The following TCF7L1 variants were observed in gnomAD, a reference collection of about 807,000 sequenced individuals.
TCF7L1 encodes the protein transcription factor 7 like 1, also known as transcription factor 7-like 1.
A neutral mutation model predicts 63.7 loss-of-function variants in TCF7L1; 18 were observed. The observed-to-expected ratio is 0.28, with a 90% CI of 0.20 to 0.42. The LOEUF is 0.42. TCF7L1 is among the 10% of genes least tolerant of loss of function. The probability of loss-of-function intolerance (pLI) is 1.00; values close to 1 mark genes in which losing one functional copy is unlikely to be tolerated. For synonymous variants in TCF7L1, 355 were observed against 340.9 expected (o/e 1.04, Z -0.46); for missense variants, 654 against 779.3 (o/e 0.84, Z 1.91).
intron 3 of TCF7L1, among the ~76,000 whole-genome samples, chr2:85,251,315 T>C (rs988073165): frequency 1.3e-5 from 2 of 152,208 alleles, no homozygotes; most frequent in Non-Finnish European, 2.9e-5. Flanking sequence ...ATCCGGATAT[T>C]ATTATGTCTA....
At chr2:85,267,579 G>A (rs1681007539) in intron 3 of TCF7L1, among the ~76,000 whole-genome samples, 1 of 151,330 alleles carries the variant, frequency 6.6e-6, no homozygotes, top group South Asian at 2.1e-4. Context: ...AGCCCAGGAG[G>A]CGGAGGTTGC....
At chr2:85,285,822 G>A (rs1210319954) in intron 4 of TCF7L1, among the ~76,000 whole-genome samples, 1 of 152,114 alleles carries the variant, frequency 6.6e-6, no homozygotes, top group Non-Finnish European at 1.5e-5. Flanking sequence ...GAGATGGCTG[G>A]GTCCTCTGTC....
Position 85,305,287 on chromosome 2 carries a change from C to A in TCF7L1, c.873C>A (p.His291Gln), listed in dbSNP as rs1682080598. The A allele has an allele frequency of 1.2e-6, 2 of 1,613,992 alleles. No homozygotes were observed. Residue 291 changes from histidine to glutamine, a missense_variant, in exon 8 of 12, where the codon CAC becomes CAA. This residue lies in a region of TCF7L1 where 404 missense variants were observed against 454.8 expected (regional missense o/e 0.89). Transcript: ENST00000282111. The part of the protein sequence containing the change: ...SSLVSSRFSP[H>Q]MVAPAHPGLP... ...TGGTCTCCAGTCGGTTCTCTCCTCA[C>A]ATGGTGGCTCCTGCCCACCCTGGCC...
At chr2:85,192,481 G>A (rs1459062338) in intron 3 of TCF7L1, among the ~76,000 whole-genome samples, 3 of 152,128 alleles carry the variant, frequency 2.0e-5, no homozygotes, top group Non-Finnish European at 4.4e-5. Flanking sequence ...TCCGCCTCCC[G>A]GATTCAAGCG....
At chr2:85,282,802 G>GAT in intron 3 of TCF7L1, among the ~76,000 whole-genome samples, 1 of 116,470 alleles carries the variant, frequency 8.6e-6, no homozygotes, top group South Asian at 2.6e-4. Context: ...GATTGTGTGT[G>GAT]TGTGTGTGTG....
At chr2:85,271,586 G>A (rs1230395879) in intron 3 of TCF7L1, among the ~76,000 whole-genome samples, 2 of 152,218 alleles carry the variant, frequency 1.3e-5, no homozygotes, top group Non-Finnish European at 2.9e-5. Flanking sequence ...GTTTTCAGTT[G>A]TAACACGATA....
chr2:85,294,904 C>T (rs1047759078), intron 4 of TCF7L1, among the ~76,000 whole-genome samples: 2 of 151,948 alleles, frequency 1.3e-5, no homozygotes, highest in African/African-American at 2.4e-5. Flanking sequence ...CATGGTGGCA[C>T]ATACCTGCAG....
At chr2:85,259,402 A>G (rs1680804374) in intron 3 of TCF7L1, among the ~76,000 whole-genome samples, 1 of 152,240 alleles carries the variant, frequency 6.6e-6, no homozygotes, top group Non-Finnish European at 1.5e-5. Context: ...AGGAAATCTT[A>G]GTGCTCGCTG....
chr2:85,297,900 A>C (rs1681868850), intron 4 of TCF7L1, among the ~76,000 whole-genome samples: 1 of 151,974 alleles, frequency 6.6e-6, no homozygotes, highest in Admixed American at 6.6e-5. Context: ...TTTTCTTCTT[A>C]GCATTTTAAC....
intron 4 of TCF7L1, among the ~76,000 whole-genome samples, chr2:85,287,019 GA>G (rs1217566889): frequency 2.0e-5 from 3 of 152,180 alleles, no homozygotes; most frequent in Non-Finnish European, 1.5e-5. Flanking sequence ...AGAAATGAAA[GA>G]AAAACCCTGT....
chr2:85,247,858 G>A (rs958378962), intron 3 of TCF7L1, among the ~76,000 whole-genome samples: 6 of 152,110 alleles, frequency 3.9e-5, no homozygotes, highest in African/African-American at 1.2e-4. Context: ...GGGGGTTTGC[G>A]GTGACTTTCC....
chr2:85,277,271 G>A (rs1681295333), intron 3 of TCF7L1, among the ~76,000 whole-genome samples: 1 of 152,142 alleles, frequency 6.6e-6, no homozygotes, highest in Admixed American at 6.5e-5. Context: ...AATGGAGACG[G>A]GGAGACACGG....
intron 3 of TCF7L1, among the ~76,000 whole-genome samples, chr2:85,176,922 G>A (rs138911975): frequency 0.031 from 4,666 of 150,620 alleles, 273 homozygotes; most frequent in African/African-American, 0.11. Context: ...AGGAGGTGGA[G>A]GTTTCAGTGA....
intron 3 of TCF7L1, among the ~76,000 whole-genome samples, chr2:85,251,126 T>A (rs111982432): frequency 0.023 from 3,562 of 152,260 alleles, 152 homozygotes; most frequent in African/African-American, 0.081. Flanking sequence ...TACTTTGTAT[T>A]TAGGAGGTTT....
chr2:85,268,564 C>T (rs1181968790), intron 3 of TCF7L1, among the ~76,000 whole-genome samples: 1 of 150,838 alleles, frequency 6.6e-6, no homozygotes, highest in African/African-American at 2.4e-5. Flanking sequence ...ACCTCTGCCT[C>T]GTGAGTAGCT....
chr2:85,284,191 T>C (rs1402886150), intron 4 of TCF7L1, among the ~76,000 whole-genome samples: 1 of 152,192 alleles, frequency 6.6e-6, no homozygotes, highest in Non-Finnish European at 1.5e-5. Flanking sequence ...TTGGTATTTT[T>C]AGTAGAGACG....
chr2:85,280,198 C>T (rs1266097844), intron 3 of TCF7L1, among the ~76,000 whole-genome samples: 1 of 152,076 alleles, frequency 6.6e-6, no homozygotes, highest in East Asian at 1.9e-4. Flanking sequence ...AGACATTTGG[C>T]AAAATCTGGA....
chr2:85,308,303 C>T (rs763145478), intron 11 of TCF7L1, among the ~76,000 whole-genome samples: 109 of 148,328 alleles, frequency 7.3e-4, no homozygotes, highest in Non-Finnish European at 1.1e-3. Context: ...ACAAGTGTAT[C>T]GCTGCTTGCA....
chr2:85,309,478 T>G lies in TCF7L1; in HGVS notation c.*16T>G, dbSNP rs1393165839. 1 of 1,516,410 alleles carries G rather than the reference T, an allele frequency of 6.6e-7. No homozygotes were observed. Among genetic ancestry groups the G allele is most frequent in the Non-Finnish European group, 8.8e-7 (1 of 1,134,196 alleles). 93.9% of individuals were successfully genotyped at this position (1,516,410 alleles called of 1,614,324 possible). ...TGCCCACTAAGCTCCCCCCGACCCC[T>G]GCAGGCTGTCACATGACTCATTGAG... is the stretch of plus-strand genomic sequence containing the variant. On this transcript the variant is annotated 3_prime_UTR_variant, in exon 12 of 12. Coordinates refer to ENST00000282111, the MANE Select transcript of TCF7L1 (RefSeq NM_031283.3).
Sources: gnomAD v4.1 joint callset for allele counts (sites outside exome capture counted in the v4.1 genomes callset) on GRCh38, gnomAD v4.1.1 for gene constraint, gnomAD v4.1.1 regional missense constraint, MANE v1.5 for transcripts, NCBI Gene and HGNC (gene_info 2026-07-23, HGNC 2026-07-21) for gene names.